The following FOXP2 variants were observed in gnomAD, a reference collection of about 807,000 sequenced individuals.
The protein encoded by FOXP2 is forkhead box protein P2.
In FOXP2, 12 loss-of-function variants were observed where a neutral mutation model predicts 115.8. The observed-to-expected ratio is 0.10, with a 90% CI of 0.07 to 0.17. FOXP2 has a LOEUF of 0.17. Ranked by LOEUF, FOXP2 falls within the 10% of genes least tolerant of loss-of-function variation. The probability of loss-of-function intolerance (pLI) is 1.00; values close to 1 mark genes in which losing one functional copy is unlikely to be tolerated. For missense variants in FOXP2, 629 were observed against 843.5 expected, an observed-to-expected ratio of 0.75 and a Z score of 3.15; for synonymous variants, 328 against 297.7, an observed-to-expected ratio of 1.10 and a Z score of -1.05.
Position 114,116,920 on chromosome 7 carries a change from C to G in FOXP2, c.-247+29082C>G, listed in dbSNP as rs1472228785. Among the ~76,000 whole-genome samples, 4 of 151,984 alleles carry G rather than the reference C, an allele frequency of 2.6e-5. No homozygotes were observed. In the East Asian group the frequency reaches 7.7e-4, roughly 29 times the overall value. ...AAGTCCCACCCAGTCCAAGGTAATC[C>G]TTTGGGGGAATATCTGCATACTCTG... On this transcript the variant is annotated intron_variant, in intron 1 of 19. Coordinates refer to the FOXP2 transcript ENST00000635638.
intron 2 of FOXP2, among the ~76,000 whole-genome samples, chr7:114,335,878 A>C (rs1330833053): frequency 6.6e-6 from 1 of 151,808 alleles, no homozygotes; most frequent in African/African-American, 2.4e-5. Context: ...TTCCTAACAA[A>C]AAAGAAAAAA....
chr7:114,185,189 A>G (rs192654683), intron 1 of FOXP2, among the ~76,000 whole-genome samples: 151 of 151,582 alleles, frequency 1.0e-3, no homozygotes, highest in African/African-American at 3.5e-3. Context: ...CCCATATTCC[A>G]CTAATGTTGT....
intron 2 of FOXP2, among the ~76,000 whole-genome samples, chr7:114,403,457 G>C (rs1347921467): frequency 6.6e-6 from 1 of 152,208 alleles, no homozygotes; most frequent in African/African-American, 2.4e-5. Flanking sequence ...CTAATGAAAA[G>C]AGTGAATCAC....
intron 6 of FOXP2, among the ~76,000 whole-genome samples, chr7:114,632,964 T>TA (rs1381643047): frequency 6.6e-6 from 1 of 151,946 alleles, no homozygotes; most frequent in African/African-American, 2.4e-5. Flanking sequence ...CATGAAAAAG[T>TA]AAAAAAGAAA....
intron 1 of FOXP2, among the ~76,000 whole-genome samples, chr7:114,197,506 A>G (rs764603633): frequency 6.6e-5 from 10 of 152,134 alleles, no homozygotes; most frequent in Non-Finnish European, 1.3e-4. Context: ...TCATGACCTC[A>G]TCTAAACCTA....
chr7:114,517,639 G>A (rs1233277664), intron 2 of FOXP2, among the ~76,000 whole-genome samples: 1 of 152,108 alleles, frequency 6.6e-6, no homozygotes, highest in Non-Finnish European at 1.5e-5. Flanking sequence ...GACTGTAAGT[G>A]CATGGATTTA....
intron 2 of FOXP2, among the ~76,000 whole-genome samples, chr7:114,483,407 A>C (rs966268315): frequency 6.6e-6 from 1 of 151,736 alleles, no homozygotes; most frequent in East Asian, 1.9e-4. Context: ...CTCACAACCA[A>C]TCTCAAGATT....
At chr7:114,185,103 A>G (rs540868405) in intron 1 of FOXP2, among the ~76,000 whole-genome samples, 1 of 152,332 alleles carries the variant, frequency 6.6e-6, no homozygotes, top group South Asian at 2.1e-4. Flanking sequence ...AACATTCCCT[A>G]CAACGTATAG....
intron 14 of FOXP2, among the ~76,000 whole-genome samples, chr7:114,662,901 T>G (rs990485455): frequency 2.0e-5 from 3 of 152,144 alleles, no homozygotes; most frequent in Non-Finnish European, 4.4e-5. Context: ...CTGCCTAATA[T>G]GAAGAGATGA....
intron 1 of FOXP2, among the ~76,000 whole-genome samples, chr7:114,184,614 T>G (rs570353949): frequency 2.8e-4 from 43 of 152,256 alleles, no homozygotes; most frequent in African/African-American, 1.0e-3. Context: ...GCCTTCAGCA[T>G]TTCATTGATA....
chr7:114,512,148 G>A (rs1008715178), intron 2 of FOXP2, among the ~76,000 whole-genome samples: 6 of 151,978 alleles, frequency 3.9e-5, no homozygotes, highest in East Asian at 1.9e-4. Flanking sequence ...ATGTTCTAGC[G>A]CCTTGCAACA....
At chr7:114,442,885 T>A (rs1359640061) in intron 2 of FOXP2, among the ~76,000 whole-genome samples, 1 of 152,196 alleles carries the variant, frequency 6.6e-6, no homozygotes, top group African/African-American at 2.4e-5. Context: ...AGATCAAAGA[T>A]AGAATTGACA....
At chr7:114,574,640 A>G (rs185145564) in intron 3 of FOXP2, among the ~76,000 whole-genome samples, 1 of 151,994 alleles carries the variant, frequency 6.6e-6, no homozygotes, top group South Asian at 2.1e-4. Context: ...GAATGACCTC[A>G]TTAACACCTA....
intron 2 of FOXP2, among the ~76,000 whole-genome samples, chr7:114,503,066 C>T (rs1275879863): frequency 6.6e-6 from 1 of 151,986 alleles, no homozygotes; most frequent in Non-Finnish European, 1.5e-5. Context: ...TCTGCTCAGG[C>T]ATGGCACAGC....
chr7:114,595,973 T>A (rs1294614602), intron 3 of FOXP2, among the ~76,000 whole-genome samples: 1 of 152,010 alleles, frequency 6.6e-6, no homozygotes, highest in African/African-American at 2.4e-5. Context: ...GTAGTTTCAG[T>A]GTAATTCAGC....
At chr7:114,456,554 T>A (rs1364241016) in intron 2 of FOXP2, among the ~76,000 whole-genome samples, 3 of 152,212 alleles carry the variant, frequency 2.0e-5, no homozygotes, top group Non-Finnish European at 4.4e-5. Context: ...GTGTCTTGGA[T>A]TTAACACATT....
intron 2 of FOXP2, among the ~76,000 whole-genome samples, chr7:114,376,436 TGA>T (rs1792138593): frequency 6.6e-6 from 1 of 152,232 alleles, no homozygotes; most frequent in Non-Finnish European, 1.5e-5. Flanking sequence ...GAACAATATG[TGA>T]GAGAATTCAG....
intron 2 of FOXP2, among the ~76,000 whole-genome samples, chr7:114,304,669 CAAAAAAAAAA>C: frequency 1.5e-5 from 1 of 65,140 alleles, no homozygotes; most frequent in South Asian, 7.0e-4. Context: ...GACTCTGTCT[CAAAAAAAAAA>C]AAAAAAAAAA....
At chr7:114,676,648 AG>A (rs997853230) in intron 16 of FOXP2, among the ~76,000 whole-genome samples, 1 of 152,186 alleles carries the variant, frequency 6.6e-6, no homozygotes, top group Non-Finnish European at 1.5e-5. Context: ...TCATATCTAT[AG>A]GGTTTTTTAA....
Sources: gnomAD v4.1 joint callset for allele counts (sites outside exome capture counted in the v4.1 genomes callset) on GRCh38, gnomAD v4.1.1 for gene constraint, MANE v1.5 for transcripts, NCBI Gene and HGNC (gene_info 2026-07-23, HGNC 2026-07-21) for gene names.